Variants in C3 observed in about 807,000 individuals in gnomAD.
The protein encoded by C3 is C3 and PZP-like alpha-2-macroglobulin domain-containing protein 1.
In C3, 97 loss-of-function variants were observed where a neutral mutation model predicts 207.9. That is an observed-to-expected ratio of 0.47 (90% CI 0.40 to 0.55). C3 has a LOEUF of 0.55. Among genes scored for constraint, C3 ranks in the 20% least tolerant of loss-of-function variants. The pLI, the probability that C3 is intolerant of heterozygous loss-of-function variation, is 0.00. For missense variants in C3, 1,684 were observed against 2,171.7 expected (o/e 0.78, Z 4.46); for synonymous variants, 848 against 857.6 (o/e 0.99, Z 0.20).
intron 18 of C3, 101 bp from the exon 19 acceptor site, chr19:6,702,313 T>G (rs1599515073): frequency 1.0e-6 from 1 of 962,382 alleles, no homozygotes; most frequent in Admixed American, 1.8e-5. Flanking sequence ...GCTGGAAGGG[T>G]CTGGGGGTGC....
chr19:6,682,375 T>C, intron 33 of C3, 146 bp from the exon 34 acceptor site: 1 of 697,022 alleles, frequency 1.4e-6, no homozygotes, highest in South Asian at 1.5e-5. Context: ...TTAGGAAACA[T>C]TTCCCCAAAG....
At chr19:6,678,314 C>A (rs754912319) in intron 39 of C3, 27 bp from the exon 40 acceptor site, 1 of 1,614,112 alleles carries the variant, frequency 6.2e-7, no homozygotes, top group Admixed American at 1.7e-5. Context: ...AGGGAAGAAG[C>A]TGAGTCGTGG....
At chr19:6,692,034 A>ACACT (rs1491178428) in intron 26 of C3, among the ~76,000 whole-genome samples, 33 of 141,186 alleles carry the variant, frequency 2.3e-4, no homozygotes, top group African/African-American at 5.6e-4. Flanking sequence ...ACACACACAC[A>ACACT]CTCACACCCC....
chr19:6,689,334 TCCCTCCCTCCCTCCCTCCCTCCCTCC>T (rs1568213462), intron 27 of C3, among the ~76,000 whole-genome samples: 24 of 37,756 alleles, frequency 6.4e-4, no homozygotes, highest in African/African-American at 3.5e-3. Flanking sequence ...CCTACCTCCC[TCCCTCCCTCCCTCCCTCCCTCCCTCC>T]CTCTCTCTCT....
At position 6,694,426 on chromosome 19, in the gene C3, C is replaced by A; in HGVS notation, c.3154+5G>T. On this transcript the variant is annotated splice_donor_5th_base_variant and intron_variant, in intron 24 of 40. Coordinates refer to ENST00000245907, the MANE Select transcript of C3 (RefSeq NM_000064.4). ...TGGGGTCTCCAAGAGGGGCAGGGAG[C>A]CCACCCTTCTTGATGAGCTCCAAGG... The A allele has an allele frequency of 6.2e-7, 1 of 1,613,610 alleles. No individual in the cohort carries two copies. The highest frequency in any genetic ancestry group is 8.5e-7 in the Non-Finnish European group (1 of 1,179,634).
Position 6,719,588 on chromosome 19 carries a change from G to A in C3, c.75-185C>T, listed in dbSNP as rs1015945656. 2.3e-4 allele frequency among the ~76,000 whole-genome samples: 35 copies of A among 152,064 alleles called. No homozygotes were observed. Among genetic ancestry groups the A allele is most frequent in the African/African-American group, 8.5e-4 (35 of 41,374 alleles). ...GCACTGCCACCGTCTCAACCACATG[G>A]GCAGGACAGCAGCCACCATGACTCC... On this transcript the variant is annotated intron_variant, in intron 1 of 40. Transcript: ENST00000245907. This position sits in a 1 kb window ranked among gnomAD's most constrained non-coding sequence, Gnocchi z 5.4.
chr19:6,701,214 T>G (rs1398720625), intron 19 of C3, among the ~76,000 whole-genome samples: 1 of 152,168 alleles, frequency 6.6e-6, no homozygotes, highest in African/African-American at 2.4e-5. Flanking sequence ...TTTTCCCCGA[T>G]GATGAGCATG....
Position 6,694,716 on chromosome 19 carries a change from C to T in C3, c.2951-82G>A, listed in dbSNP as rs1176587672. ...TGGCGTGAAAAGGGTTCCAGCCTCC[C>T]AACCAGCCAGGGCCAAGGGGTTAGG... On this transcript the variant is annotated intron_variant, in intron 23 of 40. Coordinates refer to ENST00000245907, the MANE Select transcript of C3 (RefSeq NM_000064.4). 2.2e-6 allele frequency: 3 copies of T among 1,338,764 alleles called. No individual in the cohort carries two copies. In the African/African-American group the frequency reaches 4.3e-5, roughly 19 times the overall value. The allele number at this position is 1,338,764 out of a possible 1,614,324, so 82.9% of individuals were successfully genotyped here.
rs202210310 is a variant in C3 at position 6,684,811 on chromosome 19, T to C, written c.3993A>G (p.Thr1331=). The change falls in exon 31 of 41, where the codon ACA becomes ACG. Residue 1331 remains threonine (T), a synonymous_variant. Coordinates refer to ENST00000245907, the MANE Select transcript of C3 (RefSeq NM_000064.4). ...SEETKENEGF[T]VTAEGKGQGT... ...CTTGGCCTTTTCCTTCAGCTGTGAC[T>C]GTGAAACCCTCATTTTCCTTGGTCT... 86 of 1,614,216 alleles carry C rather than the reference T, an allele frequency of 5.3e-5. 1 individual carries two copies. Among genetic ancestry groups the C allele is most frequent in the South Asian group, 5.2e-4 (47 of 91,088 alleles).
chr19:6,718,131 A>T lies in C3; in HGVS notation c.467T>A (p.Leu156Gln). 1 of 1,614,126 alleles carries T rather than the reference A, an allele frequency of 6.2e-7. No homozygotes were observed. The highest frequency in any genetic ancestry group is 8.5e-7 in the Non-Finnish European group (1 of 1,180,012). Residue 156 changes from leucine (L) to glutamine (Q), a missense_variant, in exon 4 of 41, where the codon CTG (leucine) becomes CAG (glutamine). Leu to Gln is a moderately radical substitution (Grantham distance 113). Coordinates refer to ENST00000245907, the MANE Select transcript of C3 (RefSeq NM_000064.4). Reference protein sequence around the residue: ...LYRIFTVNHKLLPVGRTVMVN... With the variant: ...LYRIFTVNHKQLPVGRTVMVN... ...CATGACCGTCCGGCCCACGGGTAGC[A>T]GCTTGTGGTTGACGGTGAAGATCCG... is the stretch of plus-strand genomic sequence containing the variant.
At chr19:6,687,069 G>A (rs552904279) in intron 27 of C3, among the ~76,000 whole-genome samples, 167 bp from the exon 28 acceptor site, 1 of 152,312 alleles carries the variant, frequency 6.6e-6, no homozygotes, top group African/African-American at 2.4e-5. Flanking sequence ...GCCACCATGA[G>A]CTGCCTTGTT....
At chr19:6,680,346 G>T in intron 35 of C3, 83 bp from the exon 36 acceptor site, 1 of 783,120 alleles carries the variant, frequency 1.3e-6, no homozygotes, top group Non-Finnish European at 2.3e-6. Flanking sequence ...CAGTGGTGGA[G>T]AAACTGAAGG....
intron 26 of C3, 85 bp from the exon 27 acceptor site, chr19:6,690,812 G>A: frequency 9.3e-7 from 1 of 1,077,528 alleles, no homozygotes; most frequent in Non-Finnish European, 1.4e-6. Flanking sequence ...TCAGAATCAG[G>A]GGGTCTGGGC....
At chr19:6,688,324 G>A (rs1346632611) in intron 27 of C3, among the ~76,000 whole-genome samples, 1 of 152,174 alleles carries the variant, frequency 6.6e-6, no homozygotes, top group African/African-American at 2.4e-5. Flanking sequence ...AGTAGAGACG[G>A]GGTTTTGCCA....
In C3 at chr19:6,718,240, G is replaced by C. The variant is rs1968084954; in HGVS notation, c.433+7C>G. 1 of 1,614,192 alleles carries C rather than the reference G, an allele frequency of 6.2e-7. No individual in the cohort carries two copies. Among genetic ancestry groups the C allele is most frequent in the Non-Finnish European group, 8.5e-7 (1 of 1,180,014 alleles). On this transcript the variant is annotated splice_region_variant and intron_variant, in intron 3 of 40. Coordinates refer to ENST00000245907, the MANE Select transcript of C3 (RefSeq NM_000064.4). ...GCCCCGCCCTCTCCAGCCGCCCCCA[G>C]CCTCACCTGTGGAGCCAGGGGTGTA...
chr19:6,712,006 G>C (rs1298837423), intron 11 of C3, among the ~76,000 whole-genome samples: 1 of 152,088 alleles, frequency 6.6e-6, no homozygotes, highest in African/African-American at 2.4e-5. Context: ...GGACCCCACT[G>C]TGCAGGACAG....
chr19:6,720,269 A>C (rs1164356449), intron 1 of C3, among the ~76,000 whole-genome samples: 1 of 151,780 alleles, frequency 6.6e-6, no homozygotes, highest in Admixed American at 6.6e-5. Flanking sequence ...AACCACAAAC[A>C]CCCAAACTCA....
At chr19:6,690,169 A>T (rs1374232807) in intron 27 of C3, among the ~76,000 whole-genome samples, 1 of 152,186 alleles carries the variant, frequency 6.6e-6, no homozygotes, top group Non-Finnish European at 1.5e-5. Flanking sequence ...CACCTGAAAG[A>T]TCCTCTGGAC....
At position 6,682,132 on chromosome 19, in the gene C3, C is replaced by T; in HGVS notation, c.4260+10G>A. The T allele has an allele frequency of 1.2e-6, 2 of 1,612,356 alleles. No individual in the cohort carries two copies. Among genetic ancestry groups the T allele is most frequent in the Non-Finnish European group, 1.7e-6 (2 of 1,178,370 alleles). On this transcript the variant is annotated intron_variant, in intron 34 of 40. Transcript: ENST00000245907. ...CTTTCCACTTATCCCAGCTCCTGAG[C>T]CCTTCATACCTGCTTCAGGTCATCT...
Sources: gnomAD v4.1 joint callset for allele counts (sites outside exome capture counted in the v4.1 genomes callset) on GRCh38, gnomAD v4.1.1 for gene constraint, Gnocchi (gnomAD v3.1) non-coding constraint, MANE v1.5 for transcripts, NCBI Gene and HGNC (gene_info 2026-07-23, HGNC 2026-07-21) for gene names.